The following HDAC2 variants were observed in gnomAD, a reference collection of about 807,000 sequenced individuals.
HDAC2 encodes the protein histone deacetylase 2, also known as YY1-associated factor 1.
Under a neutral mutation model 68.5 loss-of-function variants are expected in HDAC2, and 5 were observed. The observed-to-expected ratio is 0.07, with a 90% CI of 0.04 to 0.15. The LOEUF is 0.15. Ranked by LOEUF, HDAC2 falls within the 10% of genes least tolerant of loss-of-function variation. HDAC2 has a pLI of 1.00. For missense variants in HDAC2, 291 were observed against 600.8 expected, an observed-to-expected ratio of 0.48 and a Z score of 5.39; for synonymous variants, 182 against 191.3, an observed-to-expected ratio of 0.95 and a Z score of 0.40.
chr6:113,949,731 C>T (rs981513501), intron 6 of HDAC2, among the ~76,000 whole-genome samples: 3 of 152,032 alleles, frequency 2.0e-5, no homozygotes, highest in South Asian at 2.1e-4. Context: ...GATGAAAGAA[C>T]GACCCACACT....
intron 3 of HDAC2, among the ~76,000 whole-genome samples, chr6:113,958,063 A>C (rs1174192862): frequency 6.6e-6 from 1 of 152,214 alleles, no homozygotes; most frequent in Non-Finnish European, 1.5e-5. Context: ...ACAAACACTA[A>C]TGAGAATGAA....
At position 113,971,022 on chromosome 6, in the gene HDAC2, A is replaced by C. The variant is rs750440472; in HGVS notation, c.-114T>G. On this transcript the variant is annotated 5_prime_UTR_variant, in exon 1 of 14. Transcript: ENST00000519065. ...GGGCTGAGGGAAACGTGGGGGCGAT[A>C]GTCCCGCGGGGAAGGGCAGGCCGGT... is the stretch of plus-strand genomic sequence containing the variant. 32 of 1,575,950 alleles carry C rather than the reference A, an allele frequency of 2.0e-5. No individual in the cohort carries two copies. The highest frequency in any genetic ancestry group is 2.7e-5 in the Non-Finnish European group (31 of 1,160,258).
chr6:113,955,912 C>A, intron 5 of HDAC2, 101 bp downstream of exon 5: 1 of 796,124 alleles, frequency 1.3e-6, no homozygotes, highest in Non-Finnish European at 1.9e-6. Context: ...CTATTTCAAC[C>A]TATGGTTTAC....
At position 113,943,559 on chromosome 6, in the gene HDAC2, T is replaced by C. The variant is rs1433213524; in HGVS notation, c.1223-53A>G. The C allele has an allele frequency of 4.9e-5, 70 of 1,429,230 alleles. 1 individual carries two copies. In the East Asian group the frequency reaches 1.4e-3, roughly 28 times the overall value. The allele number at this position is 1,429,230 out of a possible 1,614,324, so 88.5% of individuals were successfully genotyped here. ...ACAAAAACAGTCACAGGTTTTATAA[T>C]CATTACAGCATACTCATACAAATGC... On this transcript the variant is annotated intron_variant, in intron 11 of 13. Coordinates refer to ENST00000519065, the MANE Select transcript of HDAC2 (RefSeq NM_001527.4).
chr6:113,946,202 A>G, intron 8 of HDAC2, 54 bp from the exon 9 acceptor site: 2 of 1,461,782 alleles, frequency 1.4e-6, no homozygotes, highest in Non-Finnish European at 1.9e-6. Flanking sequence ...AACAGTTCGA[A>G]AAATAAATTT....
chr6:113,941,700 T>C lies in HDAC2; in HGVS notation c.1436+8A>G, dbSNP rs780363047. 3 of 1,278,450 alleles carry C rather than the reference T, an allele frequency of 2.3e-6. No homozygotes were observed. The South Asian group carries it at 4.2e-5, about 18-fold the overall frequency. 79.2% of individuals were successfully genotyped at this position (1,278,450 alleles called of 1,614,324 possible). A position where few individuals can be genotyped will look rare whatever the true frequency, so the allele number is the denominator to read the frequency against. On this transcript the variant is annotated splice_region_variant and intron_variant, in intron 13 of 13. Coordinates refer to ENST00000519065, the MANE Select transcript of HDAC2 (RefSeq NM_001527.4). ...TGTAAAAAGTACTTGATAAGGAACA[T>C]CATTTACCCTTTGGTATCTGTTTTT...
chr6:113,949,386 A>C, intron 6 of HDAC2, 126 bp from the exon 7 acceptor site: 1 of 644,782 alleles, frequency 1.6e-6, no homozygotes, highest in East Asian at 2.7e-5. Context: ...TCATCTTAGA[A>C]GTTGAGACCG....
chr6:113,943,530 T>C, intron 11 of HDAC2, 24 bp from the exon 12 acceptor site: 4 of 1,566,532 alleles, frequency 2.6e-6, no homozygotes, highest in Middle Eastern at 3.4e-4. Context: ...TTTAATAAAT[T>C]TTGACAAAAA....
At chr6:113,962,157 T>C (rs532443645) in intron 1 of HDAC2, among the ~76,000 whole-genome samples, 8 of 152,148 alleles carry the variant, frequency 5.3e-5, no homozygotes, top group African/African-American at 1.9e-4. Flanking sequence ...ACTTCACATA[T>C]CTTTTAATCT....
Position 113,970,945 on chromosome 6 carries a change from C to CCTG in HDAC2, c.-40_-38dup, listed in dbSNP as rs528988883. 0.092 allele frequency: 141,509 copies of CCTG among 1,544,090 alleles called. 4,345 individuals carry two copies. Among genetic ancestry groups the CCTG allele is most frequent in the Admixed American group, 0.13 (6,572 of 50,742 alleles). ...CCACCGCCGCCACCGGGCTCCTCCT[C>CCTG]CTGCTGCTGCTGCTGCTGCTGCTGC... On this transcript the variant is annotated 5_prime_UTR_variant, in exon 1 of 14. Transcript: ENST00000519065.
At chr6:113,965,536 C>CT (rs532341131) in intron 1 of HDAC2, among the ~76,000 whole-genome samples, 30 of 151,810 alleles carry the variant, frequency 2.0e-4, no homozygotes, top group African/African-American at 7.0e-4. Context: ...GCCCAGCTAA[C>CT]TTTTTTTTGT....
intron 6 of HDAC2, among the ~76,000 whole-genome samples, chr6:113,951,444 C>T (rs1776411889): frequency 6.6e-6 from 1 of 151,496 alleles, no homozygotes; most frequent in South Asian, 2.1e-4. Flanking sequence ...CAAATGTTAT[C>T]CTGAAAACAT....
intron 1 of HDAC2, among the ~76,000 whole-genome samples, chr6:113,969,392 A>T (rs1776918860): frequency 6.6e-6 from 1 of 152,266 alleles, no homozygotes; most frequent in Non-Finnish European, 1.5e-5. Context: ...TTAACTAAAA[A>T]GAGACAGTAC....
chr6:113,958,018 C>T lies in HDAC2; in HGVS notation c.283+631G>A, dbSNP rs1249687214. Among the ~76,000 whole-genome samples, 9 of 152,160 alleles carry T rather than the reference C, an allele frequency of 5.9e-5. 1 individual carries two copies. Among genetic ancestry groups the T allele is most frequent in the Admixed American group, 3.9e-4 (6 of 15,266 alleles). On this transcript the variant is annotated intron_variant, in intron 3 of 13. Coordinates refer to ENST00000519065, the MANE Select transcript of HDAC2 (RefSeq NM_001527.4). ...AAATATGAGATGTCTAGCACCTACA[C>T]TAATTTAGTATAATCATCACTGAAG... is the stretch of plus-strand genomic sequence containing the variant.
intron 9 of HDAC2, 62 bp downstream of exon 9, chr6:113,945,946 A>T: frequency 7.6e-7 from 1 of 1,312,430 alleles, no homozygotes; most frequent in Non-Finnish European, 1.1e-6. Context: ...ATTGCAACAT[A>T]ATTAGAGGAG....
intron 6 of HDAC2, among the ~76,000 whole-genome samples, chr6:113,949,492 AT>A (rs1776349645): frequency 6.7e-6 from 1 of 149,344 alleles, no homozygotes. Context: ...ACCATTTTCA[AT>A]TAATCTGTAG....
intron 3 of HDAC2, among the ~76,000 whole-genome samples, chr6:113,958,087 C>A (rs1245697270): frequency 6.6e-6 from 1 of 152,152 alleles, no homozygotes; most frequent in Non-Finnish European, 1.5e-5. Flanking sequence ...TGGTATCAAG[C>A]TTTAAAAGAT....
chr6:113,947,412 G>C (rs1001889757), intron 8 of HDAC2: 1 of 152,190 alleles, frequency 6.6e-6, no homozygotes, highest in African/African-American at 2.4e-5. Context: ...GCTGGCAGCA[G>C]AGAAACTCAG....
In HDAC2 at chr6:113,938,238, C is replaced by A. The variant is rs894696751; in HGVS notation, c.*2820G>T. On this transcript the variant is annotated 3_prime_UTR_variant, in exon 14 of 14. Transcript: ENST00000519065. ...CTTTTTATTTACTGAGGTTAAAGATCTTTTCATATTTACAAACTATTTATA... is the reference window on the plus strand; with the variant it reads ...CTTTTTATTTACTGAGGTTAAAGATATTTTCATATTTACAAACTATTTATA... 2 of 152,194 alleles carry A rather than the reference C, an allele frequency of 1.3e-5. No homozygotes were observed. Among genetic ancestry groups the A allele is most frequent in the African/African-American group, 4.8e-5 (2 of 41,446 alleles). 9.4% of individuals were successfully genotyped at this position (152,194 alleles called of 1,614,324 possible). A position where few individuals can be genotyped will look rare whatever the true frequency, so the allele number is the denominator to read the frequency against.
Sources: gnomAD v4.1 joint callset for allele counts (sites outside exome capture counted in the v4.1 genomes callset) on GRCh38, gnomAD v4.1.1 for gene constraint, MANE v1.5 for transcripts, NCBI Gene and HGNC (gene_info 2026-07-23, HGNC 2026-07-21) for gene names.